The following TTC27 variants were observed in gnomAD, a reference collection of about 807,000 sequenced individuals.
TTC27 encodes the protein tetratricopeptide repeat domain 27, also known as tetratricopeptide repeat protein 27.
Under a neutral mutation model 115.9 loss-of-function variants are expected in TTC27, and 79 were observed. The observed-to-expected ratio is 0.68, with a 90% CI of 0.57 to 0.82. The LOEUF (loss-of-function observed/expected upper bound fraction) is 0.82. TTC27 is among the 40% of genes least tolerant of loss of function. The pLI is 0.00. For synonymous variants in TTC27, 401 were observed against 356.0 expected (o/e 1.13, Z -1.42); for missense variants, 1,054 against 993.1 (o/e 1.06, Z -0.82).
Position 32,742,888 on chromosome 2 carries a change from C to T in TTC27, c.1452+6072C>T, listed in dbSNP as rs188283383. Among the ~76,000 whole-genome samples the T allele has an allele frequency of 1.8e-3, 279 of 152,068 alleles. 1 individual carries two copies. The highest frequency in any genetic ancestry group is 1.5e-3 in the Non-Finnish European group (103 of 68,002). ...TTTGTGAGTCCCTTGTGTGTGTGTG[C>T]GCACACACTTTTTAAAAATTTTTTT... On this transcript the variant is annotated intron_variant, in intron 12 of 19. Coordinates refer to ENST00000317907, the MANE Select transcript of TTC27 (RefSeq NM_017735.5).
Position 32,812,551 on chromosome 2 carries a change from T to G in TTC27, c.2244T>G (p.Asn748Lys), listed in dbSNP as rs756001663. 1.2e-6 allele frequency: 2 copies of G among 1,614,048 alleles called. No homozygotes were observed. Among genetic ancestry groups the G allele is most frequent in the Admixed American group, 3.3e-5 (2 of 60,018 alleles). Residue 748 changes from asparagine (N) to lysine (K), a missense_variant, in exon 18 of 20, where the codon AAT (asparagine) becomes AAG (lysine). By Grantham distance (94) the Asn-to-Lys change is moderately conservative (BLOSUM62 0). Coordinates refer to ENST00000317907, the MANE Select transcript of TTC27 (RefSeq NM_017735.5). Reference protein sequence around the residue: ...SKAYKCDTQSNCWEKDITSFK... With the variant: ...SKAYKCDTQSKCWEKDITSFK... ...CATACAAGTGTGACACCCAGTCCAA[T>G]TGTTGGGAGAAAGATATTACATCAT...
chr2:32,720,394 T>G (rs1226482898), intron 10 of TTC27, among the ~76,000 whole-genome samples: 4 of 152,110 alleles, frequency 2.6e-5, no homozygotes, highest in African/African-American at 4.8e-5. Context: ...CAGGACTAAT[T>G]GAGAGTTAGC....
rs1056470217 is a variant in TTC27, at chr2:32,650,124, T to C, written c.538-7T>C. On this transcript the variant is annotated splice_polypyrimidine_tract_variant and splice_region_variant and intron_variant, in intron 4 of 19. Coordinates refer to ENST00000317907, the MANE Select transcript of TTC27 (RefSeq NM_017735.5). ...TTTATTTCAGCTTACGTGGTGTTTTTTCCTAGAGCTTGCCATGGTGGACTT... is the reference window on the plus strand; with the variant it reads ...TTTATTTCAGCTTACGTGGTGTTTTCTCCTAGAGCTTGCCATGGTGGACTT... 1.2e-6 allele frequency: 2 copies of C among 1,611,620 alleles called. No individual in the cohort carries two copies. The highest frequency in any genetic ancestry group is 1.3e-5 in the African/African-American group (1 of 74,864).
chr2:32,644,307 G>A (rs62136353), intron 4 of TTC27, among the ~76,000 whole-genome samples: 3 of 150,646 alleles, frequency 2.0e-5, no homozygotes, highest in Non-Finnish European at 1.5e-5. Context: ...AGCCAAGATC[G>A]CGCACCGCAC....
At chr2:32,801,512 C>T (rs139359236) in intron 16 of TTC27, among the ~76,000 whole-genome samples, 3 of 152,178 alleles carry the variant, frequency 2.0e-5, no homozygotes, top group African/African-American at 7.2e-5. Context: ...CAGAATGACA[C>T]CTCATCTTAA....
At chr2:32,723,609 T>C (rs1558310731) in intron 10 of TTC27, among the ~76,000 whole-genome samples, 1 of 151,838 alleles carries the variant, frequency 6.6e-6, no homozygotes, top group African/African-American at 2.4e-5. Context: ...CCAATTGAAA[T>C]TGAGCTCACT....
At chr2:32,787,247 G>T in intron 16 of TTC27, 98 bp downstream of exon 16, 1 of 1,357,230 alleles carries the variant, frequency 7.4e-7, no homozygotes. Flanking sequence ...GGAAAATTTT[G>T]TTAAACACAT....
chr2:32,731,979 T>C (rs1374123546), intron 10 of TTC27, among the ~76,000 whole-genome samples: 1 of 152,204 alleles, frequency 6.6e-6, no homozygotes, highest in African/African-American at 2.4e-5. Flanking sequence ...TTTTGCATGT[T>C]ATTAGGTGTT....
At chr2:32,797,204 C>T (rs1572623004) in intron 16 of TTC27, among the ~76,000 whole-genome samples, 1 of 150,862 alleles carries the variant, frequency 6.6e-6, no homozygotes, top group East Asian at 2.0e-4. Flanking sequence ...GACAGTGTCT[C>T]ACACTGTCGA....
intron 9 of TTC27, among the ~76,000 whole-genome samples, chr2:32,691,480 G>A (rs942648560): frequency 2.0e-5 from 3 of 151,780 alleles, no homozygotes; most frequent in African/African-American, 4.8e-5. Context: ...TGTATTTTTA[G>A]TAGAGACGGG....
In TTC27 at chr2:32,714,163, C is replaced by CTT. The variant is rs1197993683; in HGVS notation, c.1233+11255_1233+11256dup. Among the ~76,000 whole-genome samples the CTT allele has an allele frequency of 2.0e-3, 286 of 140,842 alleles. 2 individuals carry two copies. Among genetic ancestry groups the CTT allele is most frequent in the Non-Finnish European group, 2.7e-3 (175 of 64,456 alleles). The allele number at this position is 140,842 out of a possible 152,430, so 92.4% of individuals were successfully genotyped here. ...ATGCAGCGCACCCCCGCCCCCCCGC[C>CTT]TTTTTTTTTTTTTGAGATGGAGTCT... On this transcript the variant is annotated intron_variant, in intron 10 of 19. Transcript: ENST00000317907.
At chr2:32,730,621 ATT>A (rs10712292) in intron 10 of TTC27, among the ~76,000 whole-genome samples, 161 of 137,808 alleles carry the variant, frequency 1.2e-3, no homozygotes, top group African/African-American at 2.6e-3. Context: ...AGACTTTCTT[ATT>A]TTTTTTTTTT....
At chr2:32,687,049 T>C (rs1368160) in intron 9 of TTC27, among the ~76,000 whole-genome samples, 19,343 of 152,032 alleles carry the variant, frequency 0.13, 1,465 homozygotes, top group Middle Eastern at 0.24. Context: ...TTCACTGTGT[T>C]GGCCAGGCTA....
chr2:32,819,941 G>A (rs1026836704), intron 19 of TTC27, among the ~76,000 whole-genome samples: 14 of 152,094 alleles, frequency 9.2e-5, no homozygotes, highest in African/African-American at 3.1e-4. Flanking sequence ...GTTTAAAAAC[G>A]CACACACAAA....
At chr2:32,770,845 T>A (rs1180710377) in intron 13 of TTC27, among the ~76,000 whole-genome samples, 1 of 152,240 alleles carries the variant, frequency 6.6e-6, no homozygotes, top group Non-Finnish European at 1.5e-5. Context: ...GAACTTATGT[T>A]ATTTGTGGTG....
intron 18 of TTC27, among the ~76,000 whole-genome samples, chr2:32,814,814 C>T (rs1214398628): frequency 2.0e-5 from 3 of 152,200 alleles, no homozygotes; most frequent in African/African-American, 7.2e-5. Context: ...GCTATACCAT[C>T]TAGGTTTGTG....
chr2:32,630,740 A>T (rs762443505), intron 2 of TTC27, 40 bp downstream of exon 2: 1 of 1,551,252 alleles, frequency 6.4e-7, no homozygotes, highest in Admixed American at 1.9e-5. Context: ...GAACAGAGCA[A>T]ATACATTTAA....
At chr2:32,813,969 G>A (rs1671399478) in intron 18 of TTC27, among the ~76,000 whole-genome samples, 1 of 152,170 alleles carries the variant, frequency 6.6e-6, no homozygotes, top group African/African-American at 2.4e-5. Flanking sequence ...CTCATGATGG[G>A]TGGGCTCAGT....
chr2:32,692,826 G>A (rs1666860830), intron 9 of TTC27, among the ~76,000 whole-genome samples: 1 of 151,854 alleles, frequency 6.6e-6, no homozygotes, highest in African/African-American at 2.4e-5. Context: ...ACAAAAAAAA[G>A]TTAGCCAGGC....
Sources: allele counts gnomAD v4.1 joint callset (sites outside exome capture counted in the v4.1 genomes callset), GRCh38; gene constraint gnomAD v4.1.1; transcripts MANE v1.5; gene names NCBI Gene and HGNC (gene_info 2026-07-23, HGNC 2026-07-21).